HMCN1: variants seen among roughly 807,000 people sequenced by gnomAD.
The protein encoded by HMCN1 is hemicentin 1, also known as hemicentin-1.
A neutral mutation model predicts 625.9 loss-of-function variants in HMCN1; 321 were observed. The observed-to-expected ratio is 0.51, with a 90% CI of 0.47 to 0.56. The LOEUF is 0.56. HMCN1 is among the 20% of genes least tolerant of loss of function. The pLI, the probability that HMCN1 is intolerant of heterozygous loss-of-function variation, is 0.00. For missense variants in HMCN1, 6,588 were observed against 6,887.3 expected, an observed-to-expected ratio of 0.96 and a Z score of 1.54; for synonymous variants, 2,425 against 2,417.6, an observed-to-expected ratio of 1.00 and a Z score of -0.09.
chr1:185,886,373 G>A (rs1383967189), intron 4 of HMCN1, among the ~76,000 whole-genome samples: 2 of 152,082 alleles, frequency 1.3e-5, no homozygotes, highest in African/African-American at 4.8e-5. Context: ...AAATACCTAA[G>A]AGATTCTTTG....
chr1:185,850,375 A>G (rs1042244674), intron 2 of HMCN1, among the ~76,000 whole-genome samples: 1 of 152,234 alleles, frequency 6.6e-6, no homozygotes, highest in Admixed American at 6.5e-5. Context: ...CATTTATTGT[A>G]TTCATTTTTT....
intron 1 of HMCN1, among the ~76,000 whole-genome samples, chr1:185,816,379 G>C (rs1258374279): frequency 6.6e-6 from 1 of 152,140 alleles, no homozygotes; most frequent in Admixed American, 6.5e-5. Flanking sequence ...TGGAAAAGAG[G>C]CTTCCAGAAT....
rs112459748 is a variant in HMCN1, at chr1:186,087,912, A to G, written c.9364-20A>G. 1 of 1,593,788 alleles carries G rather than the reference A, an allele frequency of 6.3e-7. No homozygotes were observed. The highest frequency in any genetic ancestry group is 8.6e-7 in the Non-Finnish European group (1 of 1,161,916). On this transcript the variant is annotated intron_variant, in intron 60 of 106. Transcript: ENST00000271588. ...TCTATAACTTAATGGAGCACATACAATAGTATCTTTTTCTTTTAGGTATCT... is the reference window on the plus strand; with the variant it reads ...TCTATAACTTAATGGAGCACATACAGTAGTATCTTTTTCTTTTAGGTATCT...
intron 86 of HMCN1, among the ~76,000 whole-genome samples, chr1:186,136,175 CA>C (rs11379734): frequency 4.7e-5 from 7 of 149,526 alleles, no homozygotes; most frequent in African/African-American, 1.7e-4. Flanking sequence ...GACTCTGGCT[CA>C]AAAAAAAAGA....
chr1:185,893,442 A>T (rs775054992), intron 4 of HMCN1, among the ~76,000 whole-genome samples: 4 of 152,226 alleles, frequency 2.6e-5, no homozygotes, highest in Admixed American at 6.5e-5. Context: ...ATAATGGTGC[A>T]TTTTAAAATT....
chr1:186,042,681 A>T (rs1475677447), intron 40 of HMCN1, among the ~76,000 whole-genome samples: 3 of 152,206 alleles, frequency 2.0e-5, no homozygotes, highest in African/African-American at 7.2e-5. Context: ...AACCATTGAA[A>T]TATACATGCA....
chr1:186,031,368 A>G (rs1196758182), intron 36 of HMCN1, among the ~76,000 whole-genome samples: 1 of 151,776 alleles, frequency 6.6e-6, no homozygotes, highest in Non-Finnish European at 1.5e-5. Context: ...GTCTTTTTTG[A>G]TAAGAAATTG....
intron 57 of HMCN1, among the ~76,000 whole-genome samples, chr1:186,084,207 T>A (rs1190023568): frequency 1.3e-5 from 2 of 152,174 alleles, no homozygotes; most frequent in African/African-American, 4.8e-5. Flanking sequence ...GATGGCCATA[T>A]CTTACTTATC....
intron 2 of HMCN1, among the ~76,000 whole-genome samples, chr1:185,861,751 T>G (rs2102350311): frequency 6.6e-6 from 1 of 152,298 alleles, no homozygotes; most frequent in Non-Finnish European, 1.5e-5. Flanking sequence ...GTGTAAAGCA[T>G]AGTAGAATAC....
intron 25 of HMCN1, among the ~76,000 whole-genome samples, chr1:185,998,934 A>G (rs545475632): frequency 3.7e-4 from 57 of 152,228 alleles, no homozygotes; most frequent in African/African-American, 1.3e-3. Flanking sequence ...TTTTCTTGAC[A>G]ACATGGACAG....
chr1:185,825,459 T>C (rs1396716171), intron 1 of HMCN1, among the ~76,000 whole-genome samples: 1 of 152,174 alleles, frequency 6.6e-6, no homozygotes, highest in Non-Finnish European at 1.5e-5. Context: ...TAACTTCTAT[T>C]TGTAAATGTG....
Position 186,153,757 on chromosome 1 carries a change from C to T in HMCN1, c.15026C>T (p.Thr5009Ile), listed in dbSNP as rs775634198. 6.2e-7 allele frequency: 1 copy of T among 1,613,722 alleles called. No homozygotes were observed. Among genetic ancestry groups the T allele is most frequent in the South Asian group, 1.1e-5 (1 of 91,066 alleles). ...CCACATTGTTCTCCTTAGGATTACA[C>T]AGAGGACTACATTCAAACAGGTCCT... ...SPAEVTVKDY[T>I]EDYIQTGPGQ... is the part of the protein sequence containing the mutation. The change falls in exon 97 of 107, where the codon ACA becomes ATA. Residue 5009 changes from threonine (T) to isoleucine (I), a missense_variant. This residue lies in a region of HMCN1 where 1,954 missense variants were observed against 2,013.1 expected (regional missense o/e 0.97). Coordinates refer to ENST00000271588, the MANE Select transcript of HMCN1 (RefSeq NM_031935.3).
At chr1:185,827,452 A>G (rs1186543480) in intron 1 of HMCN1, among the ~76,000 whole-genome samples, 1 of 152,156 alleles carries the variant, frequency 6.6e-6, no homozygotes, top group Admixed American at 6.5e-5. Flanking sequence ...GGACAGGAAA[A>G]ATAAAACCAC....
At chr1:186,143,754 A>G (rs1036925853) in intron 89 of HMCN1, among the ~76,000 whole-genome samples, 1 of 152,178 alleles carries the variant, frequency 6.6e-6, no homozygotes, top group African/African-American at 2.4e-5. Context: ...AAATATTTGT[A>G]TTGTCTATAA....
chr1:185,993,050 A>G (rs1652539247), intron 22 of HMCN1, 132 bp from the exon 23 acceptor site: 2 of 790,120 alleles, frequency 2.5e-6, no homozygotes, highest in Non-Finnish European at 2.2e-6. Flanking sequence ...AGATGTATAG[A>G]TGTACATTGC....
At chr1:186,164,216 T>C (rs1651718959) in intron 97 of HMCN1, among the ~76,000 whole-genome samples, 1 of 152,024 alleles carries the variant, frequency 6.6e-6, no homozygotes, top group Non-Finnish European at 1.5e-5. Context: ...GTTAGCTTTT[T>C]TGTTTCTGAC....
At chr1:185,829,820 G>C (rs1244735064) in intron 1 of HMCN1, among the ~76,000 whole-genome samples, 1 of 152,182 alleles carries the variant, frequency 6.6e-6, no homozygotes, top group Non-Finnish European at 1.5e-5. Context: ...GATCCTTGAA[G>C]AATCACCATA....
rs1657128061 is a variant in HMCN1, at chr1:186,053,808, T to G, written c.6701-17T>G. 1 of 1,611,986 alleles carries G rather than the reference T, an allele frequency of 6.2e-7. No individual in the cohort carries two copies. The highest frequency in any genetic ancestry group is 1.3e-5 in the African/African-American group (1 of 74,836). On this transcript the variant is annotated splice_polypyrimidine_tract_variant and intron_variant, in intron 43 of 106. Coordinates refer to ENST00000271588, the MANE Select transcript of HMCN1 (RefSeq NM_031935.3). Reference sequence around the variant, plus strand: ...TACATTTCTGCCTCATATTCTGCCATTTGGACTTCTTTGTAGGCTCTCCAG... The same window carrying G: ...TACATTTCTGCCTCATATTCTGCCAGTTGGACTTCTTTGTAGGCTCTCCAG...
chr1:186,035,915 T>G (rs1180269736), intron 36 of HMCN1, among the ~76,000 whole-genome samples: 1 of 152,158 alleles, frequency 6.6e-6, no homozygotes, highest in Non-Finnish European at 1.5e-5. Context: ...GTTATAACTG[T>G]ATTTTTTGTT....
Sources: allele counts gnomAD v4.1 joint callset (sites outside exome capture counted in the v4.1 genomes callset), GRCh38; gene constraint gnomAD v4.1.1; regional missense constraint gnomAD v4.1.1; transcripts MANE v1.5; gene names NCBI Gene and HGNC (gene_info 2026-07-23, HGNC 2026-07-21).